The following TMEM132D variants were observed in gnomAD, a reference collection of about 807,000 sequenced individuals.
TMEM132D encodes mature OL transmembrane protein.
A neutral mutation model predicts 62.3 loss-of-function variants in TMEM132D; 21 were observed. The ratio of observed to expected loss-of-function variants is 0.34; its 90% CI spans 0.24 to 0.49. The LOEUF (loss-of-function observed/expected upper bound fraction) is 0.49, where lower values mean the gene tolerates loss of function less well. Among genes scored for constraint, TMEM132D ranks in the 20% least tolerant of loss-of-function variants. The pLI is 0.99. For synonymous variants in TMEM132D, 621 were observed against 575.6 expected, an observed-to-expected ratio of 1.08 and a Z score of -1.13; for missense variants, 1,346 against 1,402.8, an observed-to-expected ratio of 0.96 and a Z score of 0.65.
chr12:129,606,547 G>C (rs892323911), intron 2 of TMEM132D, among the ~76,000 whole-genome samples: 1 of 152,204 alleles, frequency 6.6e-6, no homozygotes, highest in Admixed American at 6.5e-5. Context: ...AGACAGCTGA[G>C]GACCAGGCTG....
intron 2 of TMEM132D, among the ~76,000 whole-genome samples, chr12:129,539,012 T>TGGCGATAGGTCAGAAGGAGCGTTGG (rs1415875698): frequency 6.0e-5 from 4 of 66,470 alleles, no homozygotes; most frequent in Non-Finnish European, 6.6e-5. Context: ...AGGAGCGTCC[T>TGGCGATAGGTCAGAAGGAGCGTTGG]CTGCTGCAAG....
intron 3 of TMEM132D, among the ~76,000 whole-genome samples, chr12:129,494,201 T>C (rs759713238): frequency 2.6e-5 from 4 of 152,190 alleles, no homozygotes; most frequent in Non-Finnish European, 5.9e-5. Context: ...CAATCAAGCA[T>C]GTTAGAGAGC....
At chr12:129,713,297 G>C (rs1384864571) in intron 1 of TMEM132D, among the ~76,000 whole-genome samples, 2 of 152,138 alleles carry the variant, frequency 1.3e-5, no homozygotes, top group Non-Finnish European at 2.9e-5. Flanking sequence ...AGAGTAGTAT[G>C]TAAACATGGA....
At chr12:129,589,033 C>T (rs888372319) in intron 2 of TMEM132D, among the ~76,000 whole-genome samples, 2 of 151,844 alleles carry the variant, frequency 1.3e-5, no homozygotes, top group Non-Finnish European at 2.9e-5. Context: ...TTTTTCTTTC[C>T]TTTTTTTAAA....
chr12:129,289,176 C>T (rs1188354649), intron 4 of TMEM132D, among the ~76,000 whole-genome samples: 1 of 152,136 alleles, frequency 6.6e-6, no homozygotes, highest in Non-Finnish European at 1.5e-5. Flanking sequence ...TTCGAGATAT[C>T]TGTAAAACCT....
At chr12:129,556,006 G>A (rs1877045931) in intron 2 of TMEM132D, among the ~76,000 whole-genome samples, 1 of 152,192 alleles carries the variant, frequency 6.6e-6, no homozygotes, top group South Asian at 2.1e-4. Flanking sequence ...CGGGATTTAT[G>A]TGTTCCGACT....
chr12:129,474,182 G>A (rs1183473049), intron 3 of TMEM132D, among the ~76,000 whole-genome samples: 1 of 152,200 alleles, frequency 6.6e-6, no homozygotes, highest in Admixed American at 6.5e-5. Flanking sequence ...CATGTGCATT[G>A]TCACAGGGGA....
At chr12:129,233,274 T>C (rs1343967153) in intron 4 of TMEM132D, among the ~76,000 whole-genome samples, 1 of 152,220 alleles carries the variant, frequency 6.6e-6, no homozygotes, top group Non-Finnish European at 1.5e-5. Context: ...GCTATCATCA[T>C]CTGCACGCAA....
chr12:129,748,692 G>A (rs148231097), intron 1 of TMEM132D, among the ~76,000 whole-genome samples: 263 of 152,314 alleles, frequency 1.7e-3, no homozygotes, highest in African/African-American at 6.1e-3. Flanking sequence ...AGGGCTCCCA[G>A]AGCAACAAAA....
chr12:129,644,822 C>CA (rs56371039), intron 2 of TMEM132D, among the ~76,000 whole-genome samples: 19,217 of 126,816 alleles, frequency 0.15, 1,702 homozygotes, highest in East Asian at 0.32. Context: ...ACTAAAAATA[C>CA]AAAAAAAAAA....
intron 1 of TMEM132D, among the ~76,000 whole-genome samples, chr12:129,901,527 A>T (rs901563363): frequency 7.9e-5 from 12 of 152,224 alleles, no homozygotes; most frequent in Non-Finnish European, 1.8e-4. Flanking sequence ...AGTTCAATAC[A>T]CAAAATATGT....
Position 129,255,232 on chromosome 12 carries a change from A to C in TMEM132D, c.1300-45569T>G, listed in dbSNP as rs78864308. ...GCCTGAAGAACGGTGAGCCAATTAA[A>C]TATCTTTTCTTTATAATTATGCAGC... On this transcript the variant is annotated intron_variant, in intron 4 of 8. Transcript: ENST00000422113. Among the ~76,000 whole-genome samples the C allele has an allele frequency of 7.0e-4, 107 of 152,324 alleles. 1 individual carries two copies. In the East Asian group the frequency reaches 0.019, roughly 27 times the overall value.
At chr12:129,197,481 A>C (rs1448325474) in intron 5 of TMEM132D, among the ~76,000 whole-genome samples, 3 of 152,218 alleles carry the variant, frequency 2.0e-5, no homozygotes, top group Non-Finnish European at 4.4e-5. Context: ...AGAGCCTAGA[A>C]ATGAATCCAT....
chr12:129,248,167 T>C (rs932828128), intron 4 of TMEM132D, among the ~76,000 whole-genome samples: 2 of 152,206 alleles, frequency 1.3e-5, no homozygotes, highest in African/African-American at 4.8e-5. Flanking sequence ...TGCTGAGGAA[T>C]CTTTATTTGC....
At chr12:129,636,441 C>T (rs1042794005) in intron 2 of TMEM132D, among the ~76,000 whole-genome samples, 1 of 151,984 alleles carries the variant, frequency 6.6e-6, no homozygotes, top group African/African-American at 2.4e-5. Flanking sequence ...TAATGTTGGT[C>T]AGTTGTCCCT....
At chr12:129,574,503 T>C (rs1442139286) in intron 2 of TMEM132D, among the ~76,000 whole-genome samples, 2 of 152,112 alleles carry the variant, frequency 1.3e-5, no homozygotes, top group African/African-American at 4.8e-5. Flanking sequence ...GAAATGATGC[T>C]ACATTAGCCA....
intron 2 of TMEM132D, among the ~76,000 whole-genome samples, chr12:129,624,009 C>T (rs1388498829): frequency 6.6e-6 from 1 of 152,078 alleles, no homozygotes; most frequent in Non-Finnish European, 1.5e-5. Flanking sequence ...GCGCACAGCA[C>T]AATGTCATGC....
In TMEM132D at chr12:129,236,446, C is replaced by T. The variant is rs576819672; in HGVS notation, c.1300-26783G>A. Among the ~76,000 whole-genome samples, 280 of 134,902 alleles carry T rather than the reference C, an allele frequency of 2.1e-3. 3 individuals carry two copies. The highest frequency in any genetic ancestry group is 7.4e-3 in the African/African-American group (256 of 34,566). The allele number at this position is 134,902 out of a possible 152,430, so 88.5% of individuals were successfully genotyped here. A position where few individuals can be genotyped will look rare whatever the true frequency, so the allele number is the denominator to read the frequency against. On this transcript the variant is annotated intron_variant, in intron 4 of 8. Coordinates refer to ENST00000422113, the MANE Select transcript of TMEM132D (RefSeq NM_133448.3). ...AGGAGAATTGCTTGAACCTAGGAGGCGGAGGTTAAGGTGAGCCGAGATCGC... is the reference window on the plus strand; with the variant it reads ...AGGAGAATTGCTTGAACCTAGGAGGTGGAGGTTAAGGTGAGCCGAGATCGC...
In TMEM132D at chr12:129,669,377, C is replaced by T. The variant is rs551592234; in HGVS notation, c.968+30433G>A. 1.8e-4 allele frequency among the ~76,000 whole-genome samples: 27 copies of T among 152,068 alleles called. No homozygotes were observed. The South Asian group carries it at 5.0e-3, about 28-fold the overall frequency. ...CTAAATTCTTTGTGGGTTAGAAGTC[C>T]CCAAACTAATGCTTTCAAATCTTTG... On this transcript the variant is annotated intron_variant, in intron 2 of 8. Transcript: ENST00000422113.
Sources: gnomAD v4.1 joint callset for allele counts (sites outside exome capture counted in the v4.1 genomes callset) on GRCh38, gnomAD v4.1.1 for gene constraint, MANE v1.5 for transcripts, NCBI Gene and HGNC (gene_info 2026-07-23, HGNC 2026-07-21) for gene names.